IL1RAPL2: variants seen among roughly 807,000 people sequenced by gnomAD.
IL1RAPL2 encodes the protein X-linked interleukin-1 receptor accessory protein-like 2.
In IL1RAPL2, 3 loss-of-function variants were observed where a neutral mutation model predicts 44.1. The observed-to-expected ratio is 0.07, with a 90% CI of 0.03 to 0.18. The LOEUF is 0.18. IL1RAPL2 is among the 10% of genes least tolerant of loss of function. The probability of loss-of-function intolerance (pLI) is 1.00; values close to 1 mark genes in which losing one functional copy is unlikely to be tolerated. For synonymous variants in IL1RAPL2, 181 were observed against 178.8 expected, an observed-to-expected ratio of 1.01 and a Z score of -0.10; for missense variants, 391 against 496.4, an observed-to-expected ratio of 0.79 and a Z score of 2.02.
chrX:104,672,875 T>G (rs1930644659), intron 2 of IL1RAPL2, among the ~76,000 whole-genome samples: 1 of 112,183 alleles, frequency 8.9e-6, no homozygotes, highest in African/African-American at 3.2e-5. Flanking sequence ...TCATGTGTCT[T>G]TTGGCTGCAT....
intron 6 of IL1RAPL2, among the ~76,000 whole-genome samples, chrX:105,592,653 G>T (rs1343597077): frequency 9.0e-6 from 1 of 111,676 alleles, no homozygotes; most frequent in Non-Finnish European, 1.9e-5. Context: ...CCATTTGCTT[G>T]CCTGAAAAGG....
chrX:105,475,609 T>C, intron 5 of IL1RAPL2, among the ~76,000 whole-genome samples: 1 of 107,815 alleles, frequency 9.3e-6, no homozygotes, highest in East Asian at 2.9e-4. Flanking sequence ...GTCCAGGGAG[T>C]ACTATTTTAG....
chrX:104,663,054 A>G (rs764844058), intron 2 of IL1RAPL2, among the ~76,000 whole-genome samples: 1 of 112,093 alleles, frequency 8.9e-6, no homozygotes, highest in Non-Finnish European at 1.9e-5. Flanking sequence ...CACAGTGGGT[A>G]TTTAAAGATA....
At chrX:105,759,955 T>G (rs1000644518) in intron 10 of IL1RAPL2, among the ~76,000 whole-genome samples, 3 of 111,864 alleles carry the variant, frequency 2.7e-5, no homozygotes, top group African/African-American at 9.8e-5. Flanking sequence ...CAATCTGATG[T>G]GTGTGACCTA....
chrX:104,637,622 T>A (rs765601606), intron 1 of IL1RAPL2, among the ~76,000 whole-genome samples: 1 of 111,344 alleles, frequency 9.0e-6, no homozygotes, highest in East Asian at 2.8e-4. Flanking sequence ...CCTTATTGAT[T>A]TGTGTATGCT....
chrX:104,716,114 A>T (rs181729912), intron 2 of IL1RAPL2, among the ~76,000 whole-genome samples: 1 of 111,228 alleles, frequency 9.0e-6, no homozygotes, highest in Non-Finnish European at 1.9e-5. Flanking sequence ...AGAATAGAGA[A>T]CCCAGAAATA....
chrX:105,249,853 A>G (rs1251839790), intron 4 of IL1RAPL2, among the ~76,000 whole-genome samples: 1 of 111,673 alleles, frequency 9.0e-6, no homozygotes, highest in African/African-American at 3.2e-5. Context: ...GCTTGTAGGC[A>G]GTTACCAAAA....
chrX:105,619,251 A>T (rs954386140), intron 6 of IL1RAPL2, among the ~76,000 whole-genome samples: 3 of 96,129 alleles, frequency 3.1e-5, no homozygotes, highest in African/African-American at 7.8e-5. Flanking sequence ...AAGGCCAAAT[A>T]AAAAAAAAAA....
chrX:105,232,121 G>A lies in IL1RAPL2; in HGVS notation c.357-1697G>A, dbSNP rs60841566. On this transcript the variant is annotated intron_variant, in intron 3 of 10. Transcript: ENST00000372582. ...GGGTTGCATCTAAACATCAGAATTG[G>A]AGTGCTTTGATAGTTTCCTTCTCAG... 8.0e-3 allele frequency among the ~76,000 whole-genome samples: 898 copies of A among 111,765 alleles called. 8 individuals are homozygous for A. Among genetic ancestry groups the A allele is most frequent in the African/African-American group, 0.028 (863 of 30,760 alleles).
At chrX:105,621,613 T>C (rs1051572813) in intron 6 of IL1RAPL2, among the ~76,000 whole-genome samples, 1 of 111,485 alleles carries the variant, frequency 9.0e-6, no homozygotes, top group African/African-American at 3.3e-5. Flanking sequence ...ATTTGGTGAA[T>C]ATTGAATAGA....
intron 1 of IL1RAPL2, among the ~76,000 whole-genome samples, chrX:104,616,506 A>C (rs1406069203): frequency 8.9e-6 from 1 of 112,129 alleles, no homozygotes; most frequent in African/African-American, 3.2e-5. Context: ...ACAAGATTAG[A>C]AATTATGGTT....
At chrX:105,529,389 G>T (rs1173871991) in intron 6 of IL1RAPL2, among the ~76,000 whole-genome samples, 1 of 111,040 alleles carries the variant, frequency 9.0e-6, no homozygotes, top group Non-Finnish European at 1.9e-5. Context: ...TTTCACTGAT[G>T]CTTCTTTCCA....
At chrX:104,893,321 G>A (rs1398862076) in intron 2 of IL1RAPL2, among the ~76,000 whole-genome samples, 4 of 111,571 alleles carry the variant, frequency 3.6e-5, no homozygotes, top group Non-Finnish European at 7.5e-5. Context: ...TTGGTGCAGA[G>A]CTGGGTTCAA....
intron 6 of IL1RAPL2, among the ~76,000 whole-genome samples, chrX:105,636,200 A>G (rs183758789): frequency 2.7e-5 from 3 of 110,847 alleles, no homozygotes; most frequent in Admixed American, 1.9e-4. Context: ...AGAAAGAAGA[A>G]AGACATTTAT....
intron 2 of IL1RAPL2, among the ~76,000 whole-genome samples, chrX:105,063,576 A>G (rs1042576890): frequency 8.9e-6 from 1 of 111,801 alleles, no homozygotes; most frequent in Non-Finnish European, 1.9e-5. Context: ...GTGATTCAAG[A>G]CTGTCTTCTA....
At chrX:104,917,898 G>A (rs2147689058) in intron 2 of IL1RAPL2, among the ~76,000 whole-genome samples, 1 of 111,737 alleles carries the variant, frequency 8.9e-6, no homozygotes, top group South Asian at 3.7e-4. Context: ...AAAAGACATG[G>A]CTCTTTGGAA....
chrX:105,274,241 A>T (rs986445809), intron 5 of IL1RAPL2, among the ~76,000 whole-genome samples: 15 of 112,034 alleles, frequency 1.3e-4, no homozygotes, highest in Non-Finnish European at 5.6e-5. Context: ...CACTTTAGTT[A>T]AGATCGTTAG....
intron 5 of IL1RAPL2, among the ~76,000 whole-genome samples, chrX:105,425,208 G>A (rs752158037): frequency 4.5e-5 from 5 of 111,418 alleles, no homozygotes; most frequent in Admixed American, 3.8e-4. Context: ...ACATAGTAAA[G>A]GAGATTACTT....
At chrX:104,772,951 C>T (rs1932661430) in intron 2 of IL1RAPL2, among the ~76,000 whole-genome samples, 1 of 111,051 alleles carries the variant, frequency 9.0e-6, no homozygotes, top group South Asian at 3.8e-4. Flanking sequence ...GCTCTGTTGC[C>T]CAGGCTGGAG....
Sources: gnomAD v4.1 joint callset for allele counts (sites outside exome capture counted in the v4.1 genomes callset) on GRCh38, gnomAD v4.1.1 for gene constraint, MANE v1.5 for transcripts, NCBI Gene and HGNC (gene_info 2026-07-23, HGNC 2026-07-21) for gene names.